The following AGTPBP1 variants were observed in gnomAD, a reference collection of about 807,000 sequenced individuals.
The protein encoded by AGTPBP1 is cytosolic carboxypeptidase 1.
Under a neutral mutation model 143.9 loss-of-function variants are expected in AGTPBP1, and 70 were observed. That is an observed-to-expected ratio of 0.49 (90% confidence interval 0.40 to 0.59). AGTPBP1 has a LOEUF of 0.59. AGTPBP1 is among the 20% of genes least tolerant of loss of function. AGTPBP1 has a pLI of 0.00. For synonymous variants in AGTPBP1, 463 were observed against 500.2 expected (o/e 0.93, Z 0.99); for missense variants, 1,229 against 1,464.5 (o/e 0.84, Z 2.62).
At chr9:85,548,684 TTTG>T (rs916482318) in intron 25 of AGTPBP1, among the ~76,000 whole-genome samples, 3 of 149,988 alleles carry the variant, frequency 2.0e-5, no homozygotes, top group African/African-American at 7.6e-5. Flanking sequence ...TGTTTTTGTT[TTTG>T]TTTTTTGAGA....
the AGTPBP1 span, among the ~76,000 whole-genome samples, chr9:85,803,733 A>G: frequency 6.6e-6 from 1 of 152,000 alleles, no homozygotes; most frequent in Non-Finnish European, 1.5e-5. Context: ...ATATTACAAA[A>G]CCTTTATTTC....
In AGTPBP1 at chr9:85,574,280, A is replaced by C. The variant is rs541162124; in HGVS notation, c.3503+1035T>G. 2.1e-3 allele frequency among the ~76,000 whole-genome samples: 313 copies of C among 152,134 alleles called. 1 individual carries two copies. Among genetic ancestry groups the C allele is most frequent in the African/African-American group, 6.2e-3 (259 of 41,494 alleles). On this transcript the variant is annotated intron_variant, in intron 25 of 25. Transcript: ENST00000357081. ...ACAGATGCTTGAAGGCAGCATGCTCATTAAGAGTCATCACCACTCCCTAAT... is the reference window on the plus strand; with the variant it reads ...ACAGATGCTTGAAGGCAGCATGCTCCTTAAGAGTCATCACCACTCCCTAAT...
chr9:85,632,008 C>G (rs1009155354), intron 14 of AGTPBP1, among the ~76,000 whole-genome samples: 3 of 151,922 alleles, frequency 2.0e-5, no homozygotes, highest in African/African-American at 7.3e-5. Context: ...AAATTGCAAA[C>G]TTTGCAAAAT....
chr9:85,706,591 C>T (rs530978519), intron 2 of AGTPBP1, among the ~76,000 whole-genome samples: 2 of 151,894 alleles, frequency 1.3e-5, no homozygotes, highest in East Asian at 1.9e-4. Flanking sequence ...AGATCTAGGG[C>T]CAGGCACAGT....
chr9:85,747,416 C>G, the AGTPBP1 span, among the ~76,000 whole-genome samples: 16 of 152,226 alleles, frequency 1.1e-4, no homozygotes, highest in African/African-American at 3.6e-4. Flanking sequence ...CAAAAAAGGC[C>G]ATTGGAATTT....
intron 25 of AGTPBP1, 103 bp from the exon 26 acceptor site, chr9:85,547,389 T>C (rs1587598206): frequency 1.0e-6 from 1 of 970,844 alleles, no homozygotes; most frequent in South Asian, 3.1e-5. Flanking sequence ...CAATATAATA[T>C]AAGCTGCATT....
At chr9:85,662,252 T>C (rs1284860362) in intron 8 of AGTPBP1, among the ~76,000 whole-genome samples, 1 of 152,146 alleles carries the variant, frequency 6.6e-6, no homozygotes, top group African/African-American at 2.4e-5. Context: ...AAGAGGAAGT[T>C]CTTAATGGCT....
intron 25 of AGTPBP1, among the ~76,000 whole-genome samples, chr9:85,574,724 T>C (rs1470137518): frequency 6.6e-6 from 1 of 152,026 alleles, no homozygotes; most frequent in African/African-American, 2.4e-5. Context: ...TTTTTTTTTT[T>C]TGGAGATAGA....
intron 5 of AGTPBP1, among the ~76,000 whole-genome samples, 187 bp from the exon 6 acceptor site, chr9:85,677,769 G>A (rs769387661): frequency 5.9e-5 from 9 of 152,102 alleles, no homozygotes; most frequent in East Asian, 1.9e-4. Context: ...TAGGGAGGCC[G>A]AGGCAGGCAG....
intron 17 of AGTPBP1, among the ~76,000 whole-genome samples, chr9:85,614,137 A>G (rs1008335855): frequency 1.3e-5 from 2 of 152,080 alleles, no homozygotes; most frequent in Non-Finnish European, 2.9e-5. Context: ...CAACATTCCC[A>G]TTGAAGTTAA....
chr9:85,788,408 C>CAT, the AGTPBP1 span, among the ~76,000 whole-genome samples: 5,549 of 146,352 alleles, frequency 0.038, 130 homozygotes, highest in African/African-American at 0.067. Flanking sequence ...ATATATATTT[C>CAT]ATATATATAT....
chr9:85,804,328 T>G, the AGTPBP1 span, among the ~76,000 whole-genome samples: 65 of 152,256 alleles, frequency 4.3e-4, no homozygotes, highest in African/African-American at 1.5e-3. Context: ...TGCTATCCCT[T>G]CTTGCTGTAA....
the AGTPBP1 span, among the ~76,000 whole-genome samples, chr9:85,750,344 A>G: frequency 6.6e-6 from 1 of 152,238 alleles, no homozygotes; most frequent in African/African-American, 2.4e-5. Context: ...GATGGTAAAC[A>G]TAATAGAGTC....
At chr9:85,632,577 C>T in intron 14 of AGTPBP1, 85 bp downstream of exon 14, 1 of 1,203,322 alleles carries the variant, frequency 8.3e-7, no homozygotes. Context: ...AATTATCTTC[C>T]TAAATGCCCA....
In AGTPBP1 at chr9:85,692,773, G is replaced by A. The variant is rs763034845; in HGVS notation, c.73C>T (p.Leu25=). ...NSRIVGLLAQ[L]EKINAEPSES... ...GAAGGCTCAGCATTGATCTTCTCCA[G>A]TTGAGCCAGGAGTCCTACGATCCTA... The change falls in exon 3 of 26, where the codon CTG becomes TTG. Residue 25 remains leucine, a synonymous_variant. Coordinates refer to ENST00000357081, the MANE Select transcript of AGTPBP1 (RefSeq NM_001330701.2). The A allele has an allele frequency of 5.6e-6, 9 of 1,613,966 alleles. No individual in the cohort carries two copies. In the Admixed American group the frequency reaches 8.3e-5, roughly 15 times the overall value.
chr9:85,602,322 C>T (rs962562528), intron 17 of AGTPBP1, among the ~76,000 whole-genome samples: 4 of 151,916 alleles, frequency 2.6e-5, no homozygotes, highest in Admixed American at 2.6e-4. Context: ...CAAACAAATA[C>T]TGGAACTGAA....
chr9:85,787,066 T>G, the AGTPBP1 span, among the ~76,000 whole-genome samples: 1 of 152,162 alleles, frequency 6.6e-6, no homozygotes, highest in East Asian at 1.9e-4. Context: ...TAAGACAACC[T>G]CTCAGCTTTA....
rs777270137 is a variant in AGTPBP1 at position 85,575,395 on chromosome 9, G to C, written c.3423C>G (p.Thr1141=). The C allele has an allele frequency of 4.3e-6, 7 of 1,610,698 alleles. No homozygotes were observed. Among genetic ancestry groups the C allele is most frequent in the Non-Finnish European group, 5.9e-6 (7 of 1,179,110 alleles). ...CVGLLRLKRL[T]SPLEYNLPSS... ...AAGGCAGATTATACTCCAATGGAGA[G>C]GTCAGTCTTTTCAAACGTAAAAGAC... The change falls in exon 25 of 26, where the codon ACC becomes ACG. Residue 1141 remains threonine (T), a synonymous_variant. Transcript: ENST00000357081.
In AGTPBP1 at chr9:85,632,996, G is replaced by C. The variant is rs1831783201; in HGVS notation, c.1681C>G (p.Pro561Ala). 6.2e-7 allele frequency: 1 copy of C among 1,613,976 alleles called. No individual in the cohort carries two copies. The highest frequency in any genetic ancestry group is 8.5e-7 in the Non-Finnish European group (1 of 1,180,018). The change falls in exon 14 of 26, where the codon CCT becomes GCT. Residue 561 changes from proline to alanine, a missense_variant. Physicochemically the swap from Pro to Ala is conservative, Grantham distance 27. This residue lies in a region of AGTPBP1 where 743 missense variants were observed against 812.2 expected (regional missense o/e 0.91). Coordinates refer to ENST00000357081, the MANE Select transcript of AGTPBP1 (RefSeq NM_001330701.2). ...TAEMKKDCSL[P>A]LTVLTCAKAC... ...TTAGCACAGGTAAGGACAGTAAGAGGAAGACTGCAGTCCTTCTTCATTTCT... is the reference window on the plus strand; with the variant it reads ...TTAGCACAGGTAAGGACAGTAAGAGCAAGACTGCAGTCCTTCTTCATTTCT...
Sources: gnomAD v4.1 joint callset for allele counts (sites outside exome capture counted in the v4.1 genomes callset) on GRCh38, gnomAD v4.1.1 for gene constraint, gnomAD v4.1.1 regional missense constraint, MANE v1.5 for transcripts, NCBI Gene and HGNC (gene_info 2026-07-23, HGNC 2026-07-21) for gene names.